The following RORB variants were observed in gnomAD, a reference collection of about 807,000 sequenced individuals.
RORB encodes nuclear receptor ROR-beta.
A neutral mutation model predicts 59.1 loss-of-function variants in RORB; 6 were observed. The observed-to-expected ratio is 0.10, with a 90% CI of 0.06 to 0.20. RORB has a LOEUF of 0.20. Ranked by LOEUF, RORB falls within the 10% of genes least tolerant of loss-of-function variation. The pLI is 1.00. For missense variants in RORB, 320 were observed against 560.5 expected (o/e 0.57, Z 4.33); for synonymous variants, 215 against 204.5 (o/e 1.05, Z -0.44).
At chr9:74,510,236 A>G (rs1825918057) in intron 1 of RORB, among the ~76,000 whole-genome samples, 1 of 152,176 alleles carries the variant, frequency 6.6e-6, no homozygotes, top group African/African-American at 2.4e-5. Flanking sequence ...AAAATGAGCC[A>G]CAATGGGTTT....
At chr9:74,673,757 A>G (rs1824387493) in intron 9 of RORB, among the ~76,000 whole-genome samples, 1 of 152,330 alleles carries the variant, frequency 6.6e-6, no homozygotes, top group African/African-American at 2.4e-5. Flanking sequence ...TAGACAAGTA[A>G]TGTTGCAAAA....
intron 1 of RORB, among the ~76,000 whole-genome samples, chr9:74,571,401 T>TA (rs78421295): frequency 0.025 from 3,456 of 135,788 alleles, 98 homozygotes; most frequent in African/African-American, 0.072. Context: ...TACTTTCCTT[T>TA]AAAAAAAAAA....
intron 9 of RORB, 104 bp from the exon 10 acceptor site, chr9:74,685,359 A>G: frequency 2.2e-6 from 2 of 917,070 alleles, no homozygotes; most frequent in Non-Finnish European, 3.1e-6. Context: ...ATCTTTTTCC[A>G]AAGCCTTTTA....
intron 1 of RORB, among the ~76,000 whole-genome samples, chr9:74,513,720 T>G (rs1333753052): frequency 6.6e-6 from 1 of 152,070 alleles, no homozygotes; most frequent in East Asian, 1.9e-4. Flanking sequence ...ATTGTAAAAT[T>G]TCTGTAAAAG....
intron 1 of RORB, among the ~76,000 whole-genome samples, chr9:74,585,091 C>T (rs932046186): frequency 1.3e-5 from 2 of 152,222 alleles, no homozygotes; most frequent in Non-Finnish European, 2.9e-5. Context: ...TATACCCACA[C>T]TAAGTATTGC....
chr9:74,625,905 C>CTGT (rs1823505162), intron 1 of RORB, among the ~76,000 whole-genome samples: 1 of 152,166 alleles, frequency 6.6e-6, no homozygotes, highest in Non-Finnish European at 1.5e-5. Flanking sequence ...CGTGAAAAGT[C>CTGT]TGTTATTATT....
chr9:74,538,361 T>G (rs528860227), intron 1 of RORB, among the ~76,000 whole-genome samples: 3 of 152,100 alleles, frequency 2.0e-5, no homozygotes, highest in African/African-American at 7.2e-5. Context: ...GTAAAAGAAA[T>G]GTTAACAATA....
intron 1 of RORB, among the ~76,000 whole-genome samples, chr9:74,601,825 G>T (rs1823061473): frequency 6.6e-6 from 1 of 152,272 alleles, no homozygotes; most frequent in South Asian, 2.1e-4. Context: ...GAATGGAAGT[G>T]AATGAGTTTT....
At chr9:74,546,663 G>T (rs1029809913) in intron 1 of RORB, among the ~76,000 whole-genome samples, 4 of 152,172 alleles carry the variant, frequency 2.6e-5, no homozygotes, top group Non-Finnish European at 5.9e-5. Context: ...GTGCTAGGTA[G>T]GTCTAGACAC....
chr9:74,618,026 C>A (rs1823341105), intron 1 of RORB, among the ~76,000 whole-genome samples: 1 of 152,016 alleles, frequency 6.6e-6, no homozygotes, highest in African/African-American at 2.4e-5. Flanking sequence ...AATTATATAA[C>A]AACGTAATTT....
chr9:74,654,957 G>A (rs1297176639), intron 4 of RORB, among the ~76,000 whole-genome samples: 1 of 152,196 alleles, frequency 6.6e-6, no homozygotes, highest in East Asian at 1.9e-4. Context: ...AATGAGGAAT[G>A]TGGATTTAAT....
At chr9:74,524,949 T>C (rs972886781) in intron 1 of RORB, among the ~76,000 whole-genome samples, 1 of 151,856 alleles carries the variant, frequency 6.6e-6, no homozygotes, top group African/African-American at 2.4e-5. Context: ...GAAATTATTA[T>C]TTTCACCTGG....
At chr9:74,604,270 C>T (rs146033613) in intron 1 of RORB, among the ~76,000 whole-genome samples, 1 of 152,268 alleles carries the variant, frequency 6.6e-6, no homozygotes, top group East Asian at 1.9e-4. Flanking sequence ...ATACCCTAAG[C>T]AATATAAACT....
chr9:74,598,290 A>T (rs1243587206), intron 1 of RORB, among the ~76,000 whole-genome samples: 1 of 152,088 alleles, frequency 6.6e-6, no homozygotes, highest in Non-Finnish European at 1.5e-5. Context: ...CTAGGAGATC[A>T]TCTTTTTTAG....
intron 1 of RORB, among the ~76,000 whole-genome samples, chr9:74,595,471 G>T (rs1186005651): frequency 6.6e-6 from 1 of 152,160 alleles, no homozygotes; most frequent in Non-Finnish European, 1.5e-5. Context: ...AACTTAATTT[G>T]CTTTTCATTC....
At chr9:74,683,493 G>A (rs959511763) in intron 9 of RORB, among the ~76,000 whole-genome samples, 2 of 152,026 alleles carry the variant, frequency 1.3e-5, no homozygotes, top group East Asian at 3.9e-4. Flanking sequence ...AACTATGAGG[G>A]CTTACATAAT....
At chr9:74,634,472 C>T (rs1823670538) in intron 2 of RORB, among the ~76,000 whole-genome samples, 159 bp from the exon 3 acceptor site, 1 of 152,186 alleles carries the variant, frequency 6.6e-6, no homozygotes, top group Non-Finnish European at 1.5e-5. Flanking sequence ...TTTTCCCCAG[C>T]AGAAATATCT....
intron 1 of RORB, among the ~76,000 whole-genome samples, chr9:74,605,747 C>T (rs2146776): frequency 0.96 from 145,922 of 152,268 alleles, 70,242 homozygotes; most frequent in East Asian, 1. Context: ...ATATATTGTG[C>T]ACGTGATTTA....
chr9:74,645,133 G>A (rs1430931922), intron 4 of RORB, among the ~76,000 whole-genome samples: 1 of 152,094 alleles, frequency 6.6e-6, no homozygotes, highest in Non-Finnish European at 1.5e-5. Context: ...CAAATGGGCT[G>A]TCCTGCCAGT....
Sources: gnomAD v4.1 joint callset for allele counts (sites outside exome capture counted in the v4.1 genomes callset) on GRCh38, gnomAD v4.1.1 for gene constraint, MANE v1.5 for transcripts, NCBI Gene and HGNC (gene_info 2026-07-23, HGNC 2026-07-21) for gene names.